ZNF608: variants seen among roughly 807,000 people sequenced by gnomAD.
The protein encoded by ZNF608 is renal carcinoma antigen NY-REN-36.
In ZNF608, 12 loss-of-function variants were observed where a neutral mutation model predicts 109.0. The ratio of observed to expected loss-of-function variants is 0.11; its 90% confidence interval spans 0.07 to 0.18. The LOEUF is 0.18. ZNF608 is among the 10% of genes least tolerant of loss of function. The probability of loss-of-function intolerance (pLI) is 1.00; values close to 1 mark genes in which losing one functional copy is unlikely to be tolerated. For synonymous variants in ZNF608, 732 were observed against 717.4 expected (o/e 1.02, Z -0.33); for missense variants, 1,707 against 1,879.3 (o/e 0.91, Z 1.70).
At chr5:124,737,207 A>T (rs1201665068) in intron 2 of ZNF608, among the ~76,000 whole-genome samples, 3 of 152,236 alleles carry the variant, frequency 2.0e-5, no homozygotes, top group African/African-American at 4.8e-5. Flanking sequence ...AATATAATCA[A>T]TATATTTTTA....
chr5:124,676,279 A>G (rs1751942974), intron 3 of ZNF608, among the ~76,000 whole-genome samples: 1 of 144,276 alleles, frequency 6.9e-6, no homozygotes, highest in Admixed American at 6.9e-5. Flanking sequence ...GGAGAGGTGA[A>G]TGCAGCATAT....
chr5:124,665,667 C>A (rs1199928454), intron 3 of ZNF608, among the ~76,000 whole-genome samples: 1 of 152,154 alleles, frequency 6.6e-6, no homozygotes, highest in Admixed American at 6.5e-5. Context: ...CAGGAATCTT[C>A]CTGAGATTTC....
Position 124,647,044 on chromosome 5 carries a change from G to C in ZNF608, c.3340C>G (p.Leu1114Val). ...QYEKYYEDQRLAEQKMAQTGR... is the reference protein window; with the variant it reads ...QYEKYYEDQRVAEQKMAQTGR... ...GTCTGGGCCATTTTCTGCTCTGCCA[G>C]CCTCTGGTCCTCATAGTACTTCTCA... Residue 1114 changes from leucine to valine, a missense_variant, in exon 5 of 10, where the codon CTG (leucine) becomes GTG (valine). Transcript: ENST00000513986. The C allele has an allele frequency of 6.2e-7, 1 of 1,613,878 alleles. No individual in the cohort carries two copies. Among genetic ancestry groups the C allele is most frequent in the Non-Finnish European group, 8.5e-7 (1 of 1,179,934 alleles).
chr5:124,733,549 T>C (rs1418489694), intron 2 of ZNF608, among the ~76,000 whole-genome samples: 2 of 152,050 alleles, frequency 1.3e-5, no homozygotes, highest in Non-Finnish European at 2.9e-5. Flanking sequence ...CCTCCCAAGG[T>C]AGGGAAAAAG....
At chr5:124,736,677 G>A (rs1007540018) in intron 2 of ZNF608, among the ~76,000 whole-genome samples, 4 of 152,102 alleles carry the variant, frequency 2.6e-5, no homozygotes, top group Non-Finnish European at 4.4e-5. Flanking sequence ...TGACTAATGC[G>A]AAGGACAAAA....
chr5:124,694,149 T>TG (rs1465968340), intron 3 of ZNF608, among the ~76,000 whole-genome samples: 3 of 116,234 alleles, frequency 2.6e-5, no homozygotes, highest in Non-Finnish European at 5.0e-5. Flanking sequence ...CTAATTTTTT[T>TG]TTTTTTTTTT....
chr5:124,698,459 C>G (rs1307564663), intron 3 of ZNF608, among the ~76,000 whole-genome samples: 2 of 152,196 alleles, frequency 1.3e-5, no homozygotes, highest in African/African-American at 4.8e-5. Flanking sequence ...AGTAAACATC[C>G]ACACATTCCA....
upstream of ZNF608, among the ~76,000 whole-genome samples, chr5:124,747,474 C>T (rs1484163284): frequency 6.6e-6 from 1 of 151,806 alleles, no homozygotes; most frequent in Non-Finnish European, 1.5e-5. Flanking sequence ...GATTTTGTTA[C>T]AGTGCAAGCC....
At chr5:124,646,264 C>T (rs544230918) in intron 5 of ZNF608, among the ~76,000 whole-genome samples, 4 of 152,118 alleles carry the variant, frequency 2.6e-5, no homozygotes, top group Admixed American at 6.5e-5. Flanking sequence ...AGGAGGCTGA[C>T]GCAGGAGAAT....
At chr5:124,690,154 A>G (rs892193621) in intron 3 of ZNF608, among the ~76,000 whole-genome samples, 60 of 152,242 alleles carry the variant, frequency 3.9e-4, no homozygotes, top group African/African-American at 1.4e-3. Context: ...TGATTCCAAC[A>G]ATATGTCATC....
intron 3 of ZNF608, among the ~76,000 whole-genome samples, chr5:124,661,178 C>T (rs138775608): frequency 4.6e-5 from 7 of 152,328 alleles, no homozygotes; most frequent in African/African-American, 1.7e-4. Context: ...AGTTCTAAAT[C>T]ACTGAAGCCT....
intron 2 of ZNF608, among the ~76,000 whole-genome samples, chr5:124,741,442 C>G (rs934260178): frequency 2.0e-5 from 3 of 151,710 alleles, no homozygotes; most frequent in African/African-American, 4.8e-5. Flanking sequence ...TACACTCCCC[C>G]CTTTGGTTTT....
At chr5:124,642,181 A>G (rs1750272386) in intron 7 of ZNF608, among the ~76,000 whole-genome samples, 1 of 152,236 alleles carries the variant, frequency 6.6e-6, no homozygotes, top group South Asian at 2.1e-4. Context: ...AATTTACTTT[A>G]AACTCTTTCC....
intron 2 of ZNF608, among the ~76,000 whole-genome samples, chr5:124,709,201 TG>T (rs1753391049): frequency 2.1e-5 from 2 of 96,020 alleles, no homozygotes; most frequent in South Asian, 8.0e-4. Context: ...AAAAAAAATC[TG>T]GGTTCTGCAT....
At position 124,701,219 on chromosome 5, in the gene ZNF608, A is replaced by T. The variant is rs1489410170; in HGVS notation, c.957T>A (p.Ser319Arg). 6.2e-7 allele frequency: 1 copy of T among 1,614,168 alleles called. No homozygotes were observed. The highest frequency in any genetic ancestry group is 1.6e-4 in the Middle Eastern group (1 of 6,062). ...VPAPPPPISS[S>R]LTPQILPSYF... ...AGGAGGGTAGAATCTGAGGCGTGAG[A>T]CTGCTGGAAATCGGCGGTGGTGGCG... Residue 319 changes from serine (S) to arginine (R), a missense_variant, in exon 3 of 10, where the codon AGT becomes AGA. Transcript: ENST00000513986.
chr5:124,656,939 C>T (rs1751038006), intron 3 of ZNF608, among the ~76,000 whole-genome samples: 1 of 152,060 alleles, frequency 6.6e-6, no homozygotes, highest in Non-Finnish European at 1.5e-5. Flanking sequence ...ACCTCCCCTG[C>T]AGCCTTTGTT....
intron 2 of ZNF608, among the ~76,000 whole-genome samples, chr5:124,736,032 A>C (rs1035117490): frequency 7.0e-6 from 1 of 143,060 alleles, no homozygotes; most frequent in Non-Finnish European, 1.5e-5. Flanking sequence ...TCTGTGTTTC[A>C]CTTATTTTGA....
chr5:124,642,954 C>G (rs1169507995), intron 7 of ZNF608, among the ~76,000 whole-genome samples: 1 of 152,056 alleles, frequency 6.6e-6, no homozygotes, highest in African/African-American at 2.4e-5. Context: ...GCCTCGGCCT[C>G]CCAAAGTGCT....
At chr5:124,726,153 A>G (rs558203199) in intron 2 of ZNF608, among the ~76,000 whole-genome samples, 131 of 152,204 alleles carry the variant, frequency 8.6e-4, no homozygotes, top group Middle Eastern at 3.4e-3. Context: ...AATTTCTTCC[A>G]TTGCTTTCCA....
Sources: allele counts gnomAD v4.1 joint callset (sites outside exome capture counted in the v4.1 genomes callset), GRCh38; gene constraint gnomAD v4.1.1; transcripts MANE v1.5; gene names NCBI Gene and HGNC (gene_info 2026-07-23, HGNC 2026-07-21).